Variants in ISY1 observed in about 807,000 individuals in gnomAD.
The protein encoded by ISY1 is ISY1 spliceosome associated protein, also known as pre-mRNA-splicing factor ISY1 homolog.
In ISY1, 12 loss-of-function variants were observed where a neutral mutation model predicts 54.4. The ratio of observed to expected loss-of-function variants is 0.22; its 90% CI spans 0.14 to 0.36. The LOEUF (loss-of-function observed/expected upper bound fraction) is 0.36, where lower values mean the gene tolerates loss of function less well. Ranked by LOEUF, ISY1 falls within the 10% of genes least tolerant of loss-of-function variation. The pLI is 1.00. For missense variants in ISY1, 282 were observed against 342.2 expected, an observed-to-expected ratio of 0.82 and a Z score of 1.39; for synonymous variants, 96 against 117.9, an observed-to-expected ratio of 0.81 and a Z score of 1.20.
intron 5 of ISY1, among the ~76,000 whole-genome samples, chr3:129,154,211 C>A (rs539485623): frequency 6.8e-6 from 1 of 147,994 alleles, no homozygotes; most frequent in African/African-American, 2.5e-5. Context: ...CCACTGCACT[C>A]CAGCCTGGGT....
At chr3:129,146,428 A>G (rs1936766561) in intron 5 of ISY1, among the ~76,000 whole-genome samples, 1 of 152,190 alleles carries the variant, frequency 6.6e-6, no homozygotes, top group South Asian at 2.1e-4. Flanking sequence ...ACCACAGAGA[A>G]GGTAGGAAAA....
intron 7 of ISY1, 114 bp downstream of exon 7, chr3:129,140,254 C>CA: frequency 2.3e-6 from 2 of 865,944 alleles, no homozygotes; most frequent in Non-Finnish European, 3.5e-6. Flanking sequence ...ATAATTCCTA[C>CA]ACTATAAGGC....
At chr3:129,130,711 T>C in intron 9 of ISY1, 75 bp from the exon 10 acceptor site, 1 of 1,488,014 alleles carries the variant, frequency 6.7e-7, no homozygotes, top group Non-Finnish European at 9.2e-7. Context: ...TAAAACACAC[T>C]ACTCTGCAAC....
Position 129,159,142 on chromosome 3 carries a change from G to A in ISY1, c.26+12C>T, listed in dbSNP as rs547662008. 1.2e-6 allele frequency: 2 copies of A among 1,605,044 alleles called. No homozygotes were observed. Among genetic ancestry groups the A allele is most frequent in the South Asian group, 2.3e-5 (2 of 87,808 alleles). On this transcript the variant is annotated intron_variant, in intron 2 of 10. Transcript: ENST00000393295. ...ACAAAAAATTTACAGCCAAAAACAA[G>A]TTGATACTTACATGGCCTTTTCTGC...
At chr3:129,146,883 TC>T (rs1936777523) in intron 5 of ISY1, among the ~76,000 whole-genome samples, 1 of 151,640 alleles carries the variant, frequency 6.6e-6, no homozygotes, top group Non-Finnish European at 1.5e-5. Context: ...CATAGTGAAA[TC>T]CCATCTCCAC....
At chr3:129,148,896 T>C (rs1297983624) in intron 5 of ISY1, among the ~76,000 whole-genome samples, 1 of 152,208 alleles carries the variant, frequency 6.6e-6, no homozygotes, top group Non-Finnish European at 1.5e-5. Context: ...AAAGTATCTG[T>C]TCAAAATTTT....
At position 129,152,020 on chromosome 3, in the gene ISY1, G is replaced by A. The variant is rs150958434; in HGVS notation, c.187+4613C>T. ...CTGAAAATACAAAAATTAGCTAGGC[G>A]TGGTGGCTGGCACCTGTAATCCCAG... On this transcript the variant is annotated intron_variant, in intron 5 of 10. Coordinates refer to ENST00000393295, the MANE Select transcript of ISY1 (RefSeq NM_020701.4). Among the ~76,000 whole-genome samples the A allele has an allele frequency of 1.3e-4, 20 of 151,878 alleles. No homozygotes were observed. The East Asian group carries it at 1.8e-3, about 13-fold the overall frequency.
At chr3:129,158,676 T>A in intron 2 of ISY1, 117 bp from the exon 3 acceptor site, 1 of 1,380,116 alleles carries the variant, frequency 7.2e-7, no homozygotes, top group Non-Finnish European at 1.0e-6. Flanking sequence ...GTCATTCATA[T>A]ACAAATATTG....
chr3:129,137,318 T>A, intron 7 of ISY1: 3 of 532,510 alleles, frequency 5.6e-6, no homozygotes, highest in Non-Finnish European at 7.2e-6. Context: ...TTTAACTCTA[T>A]CTGTGCTATT....
At chr3:129,144,933 C>T (rs550280502) in intron 6 of ISY1, among the ~76,000 whole-genome samples, 45 of 152,182 alleles carry the variant, frequency 3.0e-4, no homozygotes, top group Non-Finnish European at 5.6e-4. Flanking sequence ...TTTTTTGAGA[C>T]AGCATCTTGC....
chr3:129,152,120 C>T (rs1027288891), intron 5 of ISY1, among the ~76,000 whole-genome samples: 1 of 151,936 alleles, frequency 6.6e-6, no homozygotes, highest in Non-Finnish European at 1.5e-5. Context: ...AATTGCACCA[C>T]TGCACTCCAG....
rs372073626 is a variant in ISY1, at chr3:129,160,842, T to C, written c.3+131A>G. 2.5e-6 allele frequency: 3 copies of C among 1,180,682 alleles called. No individual in the cohort carries two copies. In the South Asian group the frequency reaches 4.1e-5, roughly 16 times the overall value. The allele number at this position is 1,180,682 out of a possible 1,614,324, so 73.1% of individuals were successfully genotyped here. A position where few individuals can be genotyped will look rare whatever the true frequency, so the allele number is the denominator to read the frequency against. On this transcript the variant is annotated intron_variant, in intron 1 of 10. Coordinates refer to ENST00000393295, the MANE Select transcript of ISY1 (RefSeq NM_020701.4). ...TGGAGGCAGGAAGAGAATCCCCTCG[T>C]TACACCAAGGAACTTGAAGCCCTCA...
At chr3:129,137,329 T>C (rs903482000) in intron 7 of ISY1, 16 of 473,694 alleles carry the variant, frequency 3.4e-5, no homozygotes, top group African/African-American at 3.0e-4. Context: ...CTGTGCTATT[T>C]GAATTATAAC....
chr3:129,147,068 A>T (rs1241593619), intron 5 of ISY1, among the ~76,000 whole-genome samples: 2 of 151,436 alleles, frequency 1.3e-5, no homozygotes, highest in African/African-American at 4.9e-5. Flanking sequence ...CAAAAAAAAA[A>T]AAAAGTCAAG....
At position 129,151,179 on chromosome 3, in the gene ISY1, A is replaced by G. The variant is rs377265646; in HGVS notation, c.188-5306T>C. 1.0e-4 allele frequency among the ~76,000 whole-genome samples: 15 copies of G among 147,754 alleles called. No individual in the cohort carries two copies. In the East Asian group the frequency reaches 2.9e-3, roughly 29 times the overall value. ...AATATATAAATATATAAAAATATATATAAATATATAAAAATATATATATGA... is the reference window on the plus strand; with the variant it reads ...AATATATAAATATATAAAAATATATGTAAATATATAAAAATATATATATGA... On this transcript the variant is annotated intron_variant, in intron 5 of 10. Coordinates refer to ENST00000393295, the MANE Select transcript of ISY1 (RefSeq NM_020701.4).
chr3:129,144,831 C>G (rs1230212378), intron 6 of ISY1, among the ~76,000 whole-genome samples: 3 of 152,132 alleles, frequency 2.0e-5, no homozygotes, highest in Non-Finnish European at 4.4e-5. Flanking sequence ...AATGTAGTGT[C>G]TCTATGGCTC....
At chr3:129,159,660 AAC>A (rs1163536356) in intron 1 of ISY1, among the ~76,000 whole-genome samples, 6 of 152,212 alleles carry the variant, frequency 3.9e-5, no homozygotes, top group East Asian at 1.9e-4. Flanking sequence ...TTATCCCTGA[AAC>A]ACAGTGTCCA....
chr3:129,147,967 A>T (rs1358708523), intron 5 of ISY1, among the ~76,000 whole-genome samples: 1 of 151,472 alleles, frequency 6.6e-6, no homozygotes, highest in Non-Finnish European at 1.5e-5. Flanking sequence ...TTATTCATCG[A>T]TATGTTTTAA....
At chr3:129,139,554 G>A (rs1233075511) in intron 7 of ISY1, among the ~76,000 whole-genome samples, 2 of 151,670 alleles carry the variant, frequency 1.3e-5, no homozygotes, top group Admixed American at 1.3e-4. Context: ...CAGACTAACA[G>A]TTTCAAATTA....
Sources: gnomAD v4.1 joint callset for allele counts (sites outside exome capture counted in the v4.1 genomes callset) on GRCh38, gnomAD v4.1.1 for gene constraint, MANE v1.5 for transcripts, NCBI Gene and HGNC (gene_info 2026-07-23, HGNC 2026-07-21) for gene names.